The following DCK variants were observed in gnomAD, a reference collection of about 807,000 sequenced individuals.
DCK encodes the protein deoxyadenosine kinase.
A neutral mutation model predicts 38.3 loss-of-function variants in DCK; 23 were observed. The observed-to-expected ratio is 0.60, with a 90% CI of 0.43 to 0.85. The LOEUF is 0.85. Ranked by LOEUF, DCK falls within the 40% of genes least tolerant of loss-of-function variation. The pLI is 0.00. For synonymous variants in DCK, 108 were observed against 100.6 expected (o/e 1.07, Z -0.44); for missense variants, 259 against 304.4 (o/e 0.85, Z 1.11).
intron 2 of DCK, among the ~76,000 whole-genome samples, chr4:71,004,991 G>A (rs758465294): frequency 1.6e-4 from 24 of 152,116 alleles, no homozygotes; most frequent in Non-Finnish European, 3.2e-4. Context: ...GGGAGTGAAC[G>A]GTTCTGTCTC....
chr4:71,021,277 T>G (rs905293781), intron 2 of DCK, among the ~76,000 whole-genome samples: 1 of 151,374 alleles, frequency 6.6e-6, no homozygotes. Context: ...GGGTTTCACC[T>G]TGTTAGCCAG....
At chr4:71,026,061 C>T (rs772057692) in intron 5 of DCK, 130 bp downstream of exon 5, 8 of 1,100,184 alleles carry the variant, frequency 7.3e-6, no homozygotes, top group Non-Finnish European at 9.7e-6. Context: ...TGGTATCTTC[C>T]AGAACTAGGT....
chr4:71,015,603 T>C (rs1740240734), intron 2 of DCK, among the ~76,000 whole-genome samples: 1 of 152,226 alleles, frequency 6.6e-6, no homozygotes, highest in African/African-American at 2.4e-5. Context: ...TTGTGCTTCA[T>C]CCCTGGGATG....
rs182353834 is a variant in DCK at position 71,024,262 on chromosome 4, A to G, written c.549+556A>G. 1.3e-3 allele frequency among the ~76,000 whole-genome samples: 194 copies of G among 152,120 alleles called. 2 individuals are homozygous for G. Among genetic ancestry groups the G allele is most frequent in the Admixed American group, 0.012 (176 of 15,280 alleles). On this transcript the variant is annotated intron_variant, in intron 4 of 6. Transcript: ENST00000286648. ...CTATCGTTGGGAAAAGACTTAGAGG[A>G]CCCTTGCCATTTTCCATTAAGGGAG...
At chr4:71,014,028 A>C (rs1465069121) in intron 2 of DCK, among the ~76,000 whole-genome samples, 1 of 152,206 alleles carries the variant, frequency 6.6e-6, no homozygotes, top group Non-Finnish European at 1.5e-5. Context: ...GACCCATCTC[A>C]TGTGCAGAGA....
chr4:71,012,118 G>C (rs2148915643), intron 2 of DCK, among the ~76,000 whole-genome samples: 1 of 152,314 alleles, frequency 6.6e-6, no homozygotes, highest in South Asian at 2.1e-4. Flanking sequence ...TTACTTGAAA[G>C]AACAGTATAC....
intron 2 of DCK, among the ~76,000 whole-genome samples, chr4:71,009,791 A>G (rs1050716258): frequency 6.6e-6 from 1 of 152,060 alleles, no homozygotes; most frequent in African/African-American, 2.4e-5. Flanking sequence ...TTTGAGATAT[A>G]GTTGTGGAAT....
chr4:70,996,204 CAAA>C (rs36018698), intron 1 of DCK, among the ~76,000 whole-genome samples: 17 of 133,018 alleles, frequency 1.3e-4, no homozygotes, highest in Non-Finnish European at 1.9e-4. Flanking sequence ...GACAGAGTCT[CAAA>C]AAAAAAAAAA....
intron 2 of DCK, among the ~76,000 whole-genome samples, chr4:71,002,784 G>A (rs1331212109): frequency 6.6e-6 from 1 of 151,932 alleles, no homozygotes; most frequent in African/African-American, 2.4e-5. Flanking sequence ...TGCAACCCCT[G>A]CCTTTTTTTT....
At chr4:71,014,287 C>A (rs1009544881) in intron 2 of DCK, among the ~76,000 whole-genome samples, 15 of 152,166 alleles carry the variant, frequency 9.9e-5, no homozygotes, top group African/African-American at 3.6e-4. Context: ...TAGAGACCTA[C>A]AAAGAGACTT....
At chr4:71,018,516 C>T (rs1740331541) in intron 2 of DCK, among the ~76,000 whole-genome samples, 1 of 152,040 alleles carries the variant, frequency 6.6e-6, no homozygotes, top group South Asian at 2.1e-4. Context: ...TGTAGCTAAA[C>T]TGCTTTCTAT....
Position 71,021,957 on chromosome 4 carries a change from G to A in DCK, c.208-410G>A, listed in dbSNP as rs192248633. Among the ~76,000 whole-genome samples, 18 of 152,194 alleles carry A rather than the reference G, an allele frequency of 1.2e-4. No homozygotes were observed. In the East Asian group the frequency reaches 2.3e-3, roughly 20 times the overall value. On this transcript the variant is annotated intron_variant, in intron 2 of 6. Coordinates refer to ENST00000286648, the MANE Select transcript of DCK (RefSeq NM_000788.3). The stretch of plus-strand genomic sequence containing the variant: ...GTGGAGGTTGCAGTGAGCTGAAATC[G>A]TGCCACTGCACTCCAGCTGGGGCAA...
chr4:71,013,412 C>G lies in DCK; in HGVS notation c.208-8955C>G, dbSNP rs565397989. ...CAAATTCAGGAAATACAGAGAACAC[C>G]ACAAAGATACTCCTCGAGAAGAGCA... is the stretch of plus-strand genomic sequence containing the variant. On this transcript the variant is annotated intron_variant, in intron 2 of 6. Transcript: ENST00000286648. Among the ~76,000 whole-genome samples, 223 of 152,210 alleles carry G rather than the reference C, an allele frequency of 1.5e-3. 3 individuals are homozygous for G. Among genetic ancestry groups the G allele is most frequent in the Middle Eastern group, 6.8e-3 (2 of 294 alleles).
chr4:71,012,340 G>T (rs1291742602), intron 2 of DCK, among the ~76,000 whole-genome samples: 3 of 152,250 alleles, frequency 2.0e-5, no homozygotes, highest in Non-Finnish European at 4.4e-5. Flanking sequence ...ACCTCTGGGG[G>T]CAGGGCATAG....
rs942483067 is a variant in DCK, at chr4:70,996,871, G to A, written c.92-1196G>A. Among the ~76,000 whole-genome samples, 6 of 152,272 alleles carry A rather than the reference G, an allele frequency of 3.9e-5. 1 individual carries two copies. Among genetic ancestry groups the A allele is most frequent in the African/African-American group, 1.4e-4 (6 of 41,562 alleles). Reference sequence around the variant, plus strand: ...ATGCCTGCTTGGCATTAGGAATTCTGTTAGTTTCCATGACTTTTTAAAGTA... The same window carrying A: ...ATGCCTGCTTGGCATTAGGAATTCTATTAGTTTCCATGACTTTTTAAAGTA... On this transcript the variant is annotated intron_variant, in intron 1 of 6. Transcript: ENST00000286648.
chr4:71,017,257 G>A (rs1281617141), intron 2 of DCK, among the ~76,000 whole-genome samples: 3 of 152,138 alleles, frequency 2.0e-5, no homozygotes, highest in African/African-American at 4.8e-5. Flanking sequence ...TTAGAATGGT[G>A]ATCATTAAAA....
intron 2 of DCK, among the ~76,000 whole-genome samples, chr4:71,005,656 G>A (rs950172426): frequency 6.6e-6 from 1 of 151,378 alleles, no homozygotes; most frequent in Non-Finnish European, 1.5e-5. Context: ...ACAAGCATGG[G>A]CCACCATGCC....
intron 2 of DCK, among the ~76,000 whole-genome samples, chr4:71,012,710 C>A (rs1446428102): frequency 6.6e-6 from 1 of 152,218 alleles, no homozygotes; most frequent in African/African-American, 2.4e-5. Flanking sequence ...AGGGTCCTGG[C>A]TGTTAGAAGG....
intron 2 of DCK, among the ~76,000 whole-genome samples, chr4:71,009,818 G>A (rs775038130): frequency 9.9e-5 from 15 of 152,142 alleles, no homozygotes; most frequent in Non-Finnish European, 1.2e-4. Flanking sequence ...ATGGTTGGGT[G>A]GGTGGCTTCC....
Sources: gnomAD v4.1 joint callset for allele counts (sites outside exome capture counted in the v4.1 genomes callset) on GRCh38, gnomAD v4.1.1 for gene constraint, MANE v1.5 for transcripts, NCBI Gene and HGNC (gene_info 2026-07-23, HGNC 2026-07-21) for gene names.